Variants in ENPP4 observed in about 807,000 individuals in gnomAD.
The protein encoded by ENPP4 is ectonucleotide pyrophosphatase/phosphodiesterase 4, also known as bis(5'-adenosyl)-triphosphatase ENPP4.
A neutral mutation model predicts 33.4 loss-of-function variants in ENPP4; 18 were observed. The ratio of observed to expected loss-of-function variants is 0.54; its 90% CI spans 0.37 to 0.80. ENPP4 has a LOEUF of 0.80. Ranked by LOEUF, ENPP4 falls within the 30% of genes least tolerant of loss-of-function variation. The probability of loss-of-function intolerance (pLI) is 0.00; values close to 1 mark genes in which losing one functional copy is unlikely to be tolerated. For missense variants in ENPP4, 480 were observed against 541.7 expected (o/e 0.89, Z 1.13); for synonymous variants, 172 against 189.9 (o/e 0.91, Z 0.78).
Position 46,139,769 on chromosome 6 carries a change from TA to T in ENPP4, c.191del (p.Asn64MetfsTer15). 3.7e-6 allele frequency: 6 copies of T among 1,612,102 alleles called. No individual in the cohort carries two copies. The highest frequency in any genetic ancestry group is 5.1e-6 in the Non-Finnish European group (6 of 1,178,830). On this transcript the variant is annotated frameshift_variant, in exon 2 of 4. Transcript: ENST00000321037. LOFTEE classifies it high-confidence loss of function. ...IKEGVLVEHV[K>X]NVFITKTFPN... ...AAGAAGGTGTTTTGGTAGAGCATGT[TA>T]AAAATGTTTTTATCACAAAAACATT...
chr6:46,140,250 A>T lies in ENPP4; in HGVS notation c.667A>T (p.Met223Leu), dbSNP rs1764037867. 1 of 1,612,522 alleles carries T rather than the reference A, an allele frequency of 6.2e-7. No individual in the cohort carries two copies. The highest frequency in any genetic ancestry group is 1.3e-5 in the African/African-American group (1 of 74,798). ...LIGDLVQRLK[M>L]LGLWENLNVI... ...CGGTGACTTAGTCCAAAGACTCAAG[A>T]TGTTAGGGCTATGGGAAAATCTTAA... is the stretch of plus-strand genomic sequence containing the variant. The change falls in exon 2 of 4, where the codon ATG becomes TTG. Residue 223 changes from methionine (M) to leucine (L), a missense_variant. Met to Leu is a conservative substitution (Grantham distance 15). Transcript: ENST00000321037.
chr6:46,135,852 A>G (rs1405833178), intron 1 of ENPP4, among the ~76,000 whole-genome samples: 1 of 152,006 alleles, frequency 6.6e-6, no homozygotes, highest in South Asian at 2.1e-4. Context: ...TGTGTATGGT[A>G]TGAGGCAGGG....
intron 1 of ENPP4, among the ~76,000 whole-genome samples, chr6:46,136,396 G>A (rs1763976665): frequency 6.6e-6 from 1 of 151,898 alleles, no homozygotes; most frequent in Non-Finnish European, 1.5e-5. Context: ...ACCTTCATAT[G>A]TAGGAACTAA....
chr6:46,132,546 T>C (rs1763915720), intron 1 of ENPP4, among the ~76,000 whole-genome samples: 1 of 152,244 alleles, frequency 6.6e-6, no homozygotes, highest in Admixed American at 6.5e-5. Context: ...CATGCTGTTT[T>C]GGTTACTGTG....
intron 2 of ENPP4, among the ~76,000 whole-genome samples, chr6:46,140,666 G>A (rs1764047412): frequency 1.3e-5 from 2 of 151,636 alleles, no homozygotes; most frequent in Admixed American, 6.6e-5. Context: ...CTAGAAAAAG[G>A]AAATTTTTAT....
chr6:46,135,247 A>G (rs1370978535), intron 1 of ENPP4, among the ~76,000 whole-genome samples: 3 of 152,076 alleles, frequency 2.0e-5, no homozygotes, highest in African/African-American at 7.2e-5. Context: ...AACCCTTTGA[A>G]GACTGCCAGA....
At chr6:46,134,380 C>T (rs1422747976) in intron 1 of ENPP4, among the ~76,000 whole-genome samples, 3 of 152,082 alleles carry the variant, frequency 2.0e-5, no homozygotes, top group East Asian at 1.9e-4. Flanking sequence ...AGGACTGGGA[C>T]GCTTGGATCC....
In ENPP4 at chr6:46,140,172, C is replaced by A. The variant is rs773088491; in HGVS notation, c.589C>A (p.Pro197Thr). 1 of 1,612,404 alleles carries A rather than the reference C, an allele frequency of 6.2e-7. No homozygotes were observed. The change falls in exon 2 of 4, where the codon CCT becomes ACT. Residue 197 changes from proline (P) to threonine (T), a missense_variant. Around this residue, in one of 3 missense-constraint regions of ENPP4, gnomAD observed 227 missense variants for 273.7 expected, o/e 0.83. Transcript: ENST00000321037. Reference protein sequence around the residue: ...EPDASGHKYGPEDKENMSRVL... With the variant: ...EPDASGHKYGTEDKENMSRVL... ...AGATGCAAGTGGCCACAAATACGGACCTGAAGATAAAGAAAACATGAGCAG... is the reference window on the plus strand; with the variant it reads ...AGATGCAAGTGGCCACAAATACGGAACTGAAGATAAAGAAAACATGAGCAG...
At position 46,139,707 on chromosome 6, in the gene ENPP4, A is replaced by C. The variant is rs777628282; in HGVS notation, c.124A>C (p.Lys42Gln). The change falls in exon 2 of 4, where the codon AAG becomes CAG. Residue 42 changes from lysine to glutamine, a missense_variant. Transcript: ENST00000321037. ...SFDGFRADYL[K>Q]NYEFPHLQNF... is the part of the protein sequence containing the mutation. Reference sequence around the variant, plus strand: ...TGATGGCTTCAGAGCTGATTATCTGAAGAACTATGAATTTCCTCATCTCCA... The same window carrying C: ...TGATGGCTTCAGAGCTGATTATCTGCAGAACTATGAATTTCCTCATCTCCA... The C allele has an allele frequency of 6.2e-7, 1 of 1,611,210 alleles. No homozygotes were observed. The highest frequency in any genetic ancestry group is 8.5e-7 in the Non-Finnish European group (1 of 1,178,046).
Position 46,146,356 on chromosome 6 carries a change from G to A in ENPP4, c.*2716G>A, listed in dbSNP as rs1458040202. 6.6e-6 allele frequency: 1 copy of A among 152,180 alleles called. No individual in the cohort carries two copies. Among genetic ancestry groups the A allele is most frequent in the Admixed American group, 6.6e-5 (1 of 15,184 alleles). The allele number at this position is 152,180 out of a possible 1,614,324, so 9.4% of individuals were successfully genotyped here. A position where few individuals can be genotyped will look rare whatever the true frequency, so the allele number is the denominator to read the frequency against. On this transcript the variant is annotated 3_prime_UTR_variant, in exon 4 of 4. Coordinates refer to ENST00000321037, the MANE Select transcript of ENPP4 (RefSeq NM_014936.5). ...AAATGTTTTTACATTGTTTTTGGGT[G>A]TCTCCTTCTTGTGCCCATATCTGAT...
chr6:46,133,600 T>G (rs778208313), intron 1 of ENPP4, among the ~76,000 whole-genome samples: 4 of 152,194 alleles, frequency 2.6e-5, no homozygotes, highest in Non-Finnish European at 4.4e-5. Context: ...GAAGACTAAC[T>G]CATACTTCCA....
At chr6:46,142,989 A>G (rs7769738) in intron 3 of ENPP4, among the ~76,000 whole-genome samples, 67,283 of 151,414 alleles carry the variant, frequency 0.44, 16,323 homozygotes, top group South Asian at 0.68. Context: ...GAGATTGACA[A>G]GTGAAGTAAT....
In ENPP4 at chr6:46,143,621, A is replaced by G. The variant is rs1764102121; in HGVS notation, c.1343A>G (p.Asp448Gly). The change falls in exon 4 of 4, where the codon GAT becomes GGT. Residue 448 changes from aspartate to glycine, a missense_variant. Transcript: ENST00000321037. Reference sequence around the variant, plus strand: ...CGACTTCAGCTACAAGAAGATGATGATGATCCTTTAATTGGGTGACATGTG... The same window carrying G: ...CGACTTCAGCTACAAGAAGATGATGGTGATCCTTTAATTGGGTGACATGTG... ...FSRLQLQEDD[D>G]DPLIG is the part of the protein sequence containing the mutation. 1.2e-6 allele frequency: 2 copies of G among 1,610,366 alleles called. No individual in the cohort carries two copies. Among genetic ancestry groups the G allele is most frequent in the Non-Finnish European group, 1.7e-6 (2 of 1,177,640 alleles).
Position 46,140,045 on chromosome 6 carries a change from C to G in ENPP4, c.462C>G (p.Tyr154Ter), listed in dbSNP as rs1021606521. Residue 154 changes from tyrosine (Y) to a stop codon, truncating the protein, a stop_gained, in exon 2 of 4, where the codon TAC becomes TAG. Transcript: ENST00000321037. LOFTEE classifies it high-confidence loss of function. ...HDTISSYFMNYNSSVSFEERL... is the reference protein window; with the variant it reads ...HDTISSYFMN ...CCATCTCTTCCTATTTTATGAATTACAACTCCTCAGTGTCATTTGAGGAAA... is the reference window on the plus strand; with the variant it reads ...CCATCTCTTCCTATTTTATGAATTAGAACTCCTCAGTGTCATTTGAGGAAA... The G allele has an allele frequency of 5.6e-6, 9 of 1,612,282 alleles. No individual in the cohort carries two copies. The African/African-American group carries it at 9.4e-5, about 17-fold the overall frequency.
intron 1 of ENPP4, among the ~76,000 whole-genome samples, chr6:46,139,163 C>T (rs1194462546): frequency 6.6e-6 from 1 of 151,728 alleles, no homozygotes; most frequent in Non-Finnish European, 1.5e-5. Context: ...GAAAAATAAT[C>T]ATCATCTCTG....
In ENPP4 at chr6:46,144,954, G is replaced by A; in HGVS notation, c.*1314G>A. 2.5e-6 allele frequency: 1 copy of A among 396,422 alleles called. No homozygotes were observed. The highest frequency in any genetic ancestry group is 4.5e-6 in the Non-Finnish European group (1 of 224,524). 24.6% of individuals were successfully genotyped at this position (396,422 alleles called of 1,614,324 possible). Reference sequence around the variant, plus strand: ...TGTGAAGAACTGTCATCCTGCCTTTGCTAGCTGGTACCTTCTAGTAATCAA... The same window carrying A: ...TGTGAAGAACTGTCATCCTGCCTTTACTAGCTGGTACCTTCTAGTAATCAA... On this transcript the variant is annotated 3_prime_UTR_variant, in exon 4 of 4. Coordinates refer to ENST00000321037, the MANE Select transcript of ENPP4 (RefSeq NM_014936.5).
rs7451713 is a variant in ENPP4 at position 46,140,015 on chromosome 6, C to G, written c.432C>G (p.His144Gln). Residue 144 changes from histidine (H) to glutamine (Q), a missense_variant, in exon 2 of 4, where the codon CAC becomes CAG. This residue lies in a region of ENPP4 where 227 missense variants were observed against 273.7 expected (regional missense o/e 0.83). Coordinates refer to ENST00000321037, the MANE Select transcript of ENPP4 (RefSeq NM_014936.5). ...AMWPGTDVPI[H>Q]DTISSYFMNY... ...GGCCTGGTACTGATGTACCCATTCACGATACCATCTCTTCCTATTTTATGA... is the reference window on the plus strand; with the variant it reads ...GGCCTGGTACTGATGTACCCATTCAGGATACCATCTCTTCCTATTTTATGA... 835,573 of 1,611,952 alleles carry G rather than the reference C, an allele frequency of 0.52. 221,725 individuals are homozygous for G. The highest frequency in any genetic ancestry group is 0.67 in the South Asian group (61,113 of 91,036).
Position 46,146,395 on chromosome 6 carries a change from T to A in ENPP4, c.*2755T>A, listed in dbSNP as rs1307625795. On this transcript the variant is annotated 3_prime_UTR_variant, in exon 4 of 4. Coordinates refer to ENST00000321037, the MANE Select transcript of ENPP4 (RefSeq NM_014936.5). ...CCCATATCTGATAAGCTTTATGGAT[T>A]ATTGCATTTAATTCCTTTTATTTGG... 1 of 152,348 alleles carries A rather than the reference T, an allele frequency of 6.6e-6. No individual in the cohort carries two copies. Among genetic ancestry groups the A allele is most frequent in the African/African-American group, 2.4e-5 (1 of 41,416 alleles). The allele number at this position is 152,348 out of a possible 1,614,324, so 9.4% of individuals were successfully genotyped here. A position where few individuals can be genotyped will look rare whatever the true frequency, so the allele number is the denominator to read the frequency against.
rs985832921 is a variant in ENPP4 at position 46,130,204 on chromosome 6, C to T, written c.-34+15C>T. ...CGCGGCGGCTGGTGAGTACGCGCCT[C>T]GCGCGCTCGGCGTTCTGGGGGGCAA... On this transcript the variant is annotated intron_variant, in intron 1 of 3. Transcript: ENST00000321037. The T allele has an allele frequency of 6.6e-5, 10 of 152,436 alleles. No individual in the cohort carries two copies. The highest frequency in any genetic ancestry group is 3.4e-3 in the Middle Eastern group (1 of 296). 9.4% of individuals were successfully genotyped at this position (152,436 alleles called of 1,614,324 possible).
Sources: gnomAD v4.1 joint callset for allele counts (sites outside exome capture counted in the v4.1 genomes callset) on GRCh38, gnomAD v4.1.1 for gene constraint, gnomAD v4.1.1 regional missense constraint, MANE v1.5 for transcripts, NCBI Gene and HGNC (gene_info 2026-07-23, HGNC 2026-07-21) for gene names.